Variants in PEX5L observed in about 807,000 individuals in gnomAD.
PEX5L encodes the protein peroxisomal biogenesis factor 5 like.
In PEX5L, 30 loss-of-function variants were observed where a neutral mutation model predicts 84.0. The ratio of observed to expected loss-of-function variants is 0.36; its 90% CI spans 0.27 to 0.48. The LOEUF (loss-of-function observed/expected upper bound fraction) is 0.48. PEX5L is among the 20% of genes least tolerant of loss of function. The probability of loss-of-function intolerance (pLI) is 0.99; values close to 1 mark genes in which losing one functional copy is unlikely to be tolerated. For synonymous variants in PEX5L, 270 were observed against 283.1 expected, an observed-to-expected ratio of 0.95 and a Z score of 0.46; for missense variants, 533 against 754.6, an observed-to-expected ratio of 0.71 and a Z score of 3.44.
In PEX5L at chr3:179,875,996, T is replaced by G. The variant is rs186960683; in HGVS notation, c.506-519A>C. 2.8e-4 allele frequency among the ~76,000 whole-genome samples: 43 copies of G among 152,278 alleles called. 1 individual carries two copies. Among genetic ancestry groups the G allele is most frequent in the Non-Finnish European group, 5.1e-4 (35 of 68,024 alleles). ...ACTTTCATAGCTTTTGAATAAAGCA[T>G]GTAATTTTTCACCAAAAGGAGAGAA... On this transcript the variant is annotated intron_variant, in intron 5 of 14. Transcript: ENST00000467460.
chr3:179,820,275 G>C (rs534511399), intron 8 of PEX5L: 5 of 302,786 alleles, frequency 1.7e-5, no homozygotes, highest in Non-Finnish European at 3.1e-5. Flanking sequence ...GTGGGCACTA[G>C]GCTACATTTT....
At chr3:179,827,723 C>G (rs533691150) in intron 8 of PEX5L, among the ~76,000 whole-genome samples, 1 of 152,074 alleles carries the variant, frequency 6.6e-6, no homozygotes, top group South Asian at 2.1e-4. Context: ...GGTAGGCCAA[C>G]GAAATGTGTT....
chr3:179,942,498 G>C (rs1001682024), intron 2 of PEX5L, among the ~76,000 whole-genome samples: 37 of 152,228 alleles, frequency 2.4e-4, no homozygotes, highest in African/African-American at 8.7e-4. Context: ...GCTTCTGCAG[G>C]GCAGTGGCAC....
chr3:179,869,560 G>A (rs962923455), intron 7 of PEX5L, among the ~76,000 whole-genome samples: 1 of 152,126 alleles, frequency 6.6e-6, no homozygotes. Flanking sequence ...GGACGTGCCG[G>A]GTACTTTGAA....
chr3:179,892,911 T>A (rs1405682158), intron 3 of PEX5L, among the ~76,000 whole-genome samples: 1 of 152,148 alleles, frequency 6.6e-6, no homozygotes, highest in Non-Finnish European at 1.5e-5. Context: ...CAACACTTCA[T>A]CACAATCCTA....
intron 9 of PEX5L, among the ~76,000 whole-genome samples, chr3:179,817,392 T>G (rs1726567442): frequency 6.6e-6 from 1 of 152,210 alleles, no homozygotes; most frequent in African/African-American, 2.4e-5. Flanking sequence ...CTATATTTAT[T>G]TACTCAATCC....
At chr3:179,919,900 A>C (rs1203913395) in intron 2 of PEX5L, among the ~76,000 whole-genome samples, 1 of 152,098 alleles carries the variant, frequency 6.6e-6, no homozygotes, top group Non-Finnish European at 1.5e-5. Context: ...ATGGGGTTTC[A>C]CCATGTTGGC....
intron 8 of PEX5L, among the ~76,000 whole-genome samples, chr3:179,847,262 G>A (rs1560356415): frequency 6.6e-6 from 1 of 151,836 alleles, no homozygotes; most frequent in African/African-American, 2.4e-5. Context: ...ATAGATAACT[G>A]TATATTGATT....
At chr3:179,900,603 T>C in intron 2 of PEX5L, 1 of 1,093,002 alleles carries the variant, frequency 9.1e-7, no homozygotes, top group Non-Finnish European at 1.3e-6. Flanking sequence ...AACAAAGCAG[T>C]GGTCAGCTAG....
chr3:179,822,208 C>G (rs967352928), intron 8 of PEX5L, among the ~76,000 whole-genome samples: 1 of 152,208 alleles, frequency 6.6e-6, no homozygotes, highest in Non-Finnish European at 1.5e-5. Context: ...ACTGCATATA[C>G]TTTCCAAGGC....
intron 2 of PEX5L, among the ~76,000 whole-genome samples, chr3:179,964,404 G>A (rs1236073857): frequency 1.3e-5 from 2 of 152,076 alleles, no homozygotes; most frequent in Non-Finnish European, 2.9e-5. Context: ...AATTCATGAC[G>A]AAGATGCCAA....
intron 1 of PEX5L, among the ~76,000 whole-genome samples, chr3:180,008,898 T>C (rs1789171707): frequency 6.6e-6 from 1 of 152,214 alleles, no homozygotes; most frequent in African/African-American, 2.4e-5. Context: ...ATCATCTTGC[T>C]TTTTCATTCA....
chr3:179,920,907 C>T (rs1769143305), intron 2 of PEX5L, among the ~76,000 whole-genome samples: 1 of 152,078 alleles, frequency 6.6e-6, no homozygotes, highest in African/African-American at 2.4e-5. Context: ...AATGTATACA[C>T]AGTATAATAT....
intron 8 of PEX5L, among the ~76,000 whole-genome samples, chr3:179,832,502 A>T (rs73058639): frequency 0.012 from 1,720 of 146,700 alleles, 32 homozygotes; most frequent in African/African-American, 0.041. Context: ...TTACTTACCC[A>T]CCCCCTCACC....
intron 8 of PEX5L, among the ~76,000 whole-genome samples, chr3:179,831,439 T>C (rs1732907311): frequency 6.6e-6 from 1 of 152,162 alleles, no homozygotes; most frequent in African/African-American, 2.4e-5. Context: ...TAGCATCTTC[T>C]CAAAGTAATC....
chr3:179,822,147 A>G (rs1465525557), intron 8 of PEX5L, among the ~76,000 whole-genome samples: 2 of 152,202 alleles, frequency 1.3e-5, no homozygotes, highest in Non-Finnish European at 2.9e-5. Flanking sequence ...TGAATTTTAC[A>G]ATGTTTGCTG....
At position 179,795,046 on chromosome 3, in the gene PEX5L, GA is replaced by G. The variant is rs1346119771; in HGVS notation, c.*6781del. ...TAGTCTTAAAAAATTAACAAAGGAG[GA>G]AGATTTTTAAAGTTTTGTTTTATAT... On this transcript the variant is annotated 3_prime_UTR_variant, in exon 15 of 15. Coordinates refer to ENST00000467460, the MANE Select transcript of PEX5L (RefSeq NM_016559.3). 6.6e-6 allele frequency: 1 copy of G among 152,050 alleles called. No homozygotes were observed. The highest frequency in any genetic ancestry group is 1.5e-5 in the Non-Finnish European group (1 of 67,996). 9.4% of individuals were successfully genotyped at this position (152,050 alleles called of 1,614,324 possible). A position where few individuals can be genotyped will look rare whatever the true frequency, so the allele number is the denominator to read the frequency against.
chr3:179,876,893 T>C (rs1752610053), intron 5 of PEX5L, among the ~76,000 whole-genome samples: 1 of 152,220 alleles, frequency 6.6e-6, no homozygotes, highest in African/African-American at 2.4e-5. Flanking sequence ...ATTTTTTTTC[T>C]TGGTTTTTGG....
chr3:179,834,858 G>T (rs1447124528), intron 8 of PEX5L, among the ~76,000 whole-genome samples: 1 of 152,168 alleles, frequency 6.6e-6, no homozygotes, highest in Non-Finnish European at 1.5e-5. Flanking sequence ...ATATGACCTT[G>T]CTTGGAAATT....
Sources: gnomAD v4.1 joint callset for allele counts (sites outside exome capture counted in the v4.1 genomes callset) on GRCh38, gnomAD v4.1.1 for gene constraint, MANE v1.5 for transcripts, NCBI Gene and HGNC (gene_info 2026-07-23, HGNC 2026-07-21) for gene names.